The following C9orf153 variants were observed in gnomAD, a reference collection of about 807,000 sequenced individuals.
C9orf153 encodes the protein chromosome 9 open reading frame 153.
A neutral mutation model predicts 9.0 loss-of-function variants in C9orf153; 10 were observed. The ratio of observed to expected loss-of-function variants is 1.11; its 90% CI spans 0.69 to 1.89. C9orf153 has a LOEUF of 1.89. C9orf153 is among the 40% of genes most tolerant of loss of function. The pLI is 0.00. For missense variants in C9orf153, 108 were observed against 111.0 expected (o/e 0.97, Z 0.12); for synonymous variants, 35 against 37.3 (o/e 0.94, Z 0.23).
chr9:86,224,192 G>A (rs1652718191), intron 3 of C9orf153, among the ~76,000 whole-genome samples: 1 of 152,080 alleles, frequency 6.6e-6, no homozygotes, highest in Non-Finnish European at 1.5e-5. Context: ...TTCAAGACCA[G>A]CCTGGGCAAT....
rs144870916 is a variant in C9orf153, at chr9:86,226,008, C to T, written c.242+1847G>A. On this transcript the variant is annotated intron_variant, in intron 3 of 3. Transcript: ENST00000339137. ...AAATGTTCAAGACCTTATCAAACAT[C>T]CAAAACCCTTCTTCAGTAGGTTTTT... 9.2e-5 allele frequency among the ~76,000 whole-genome samples: 14 copies of T among 152,276 alleles called. No homozygotes were observed. In the East Asian group the frequency reaches 2.5e-3, roughly 27 times the overall value.
At position 86,228,034 on chromosome 9, in the gene C9orf153, T is replaced by G; in HGVS notation, c.67-4A>C. The stretch of plus-strand genomic sequence containing the variant: ...TACATGCATATAATTCTGGAAGCTG[T>G]GGACAAAAAAAAAAGTGGTAAGTCA... On this transcript the variant is annotated splice_polypyrimidine_tract_variant and splice_region_variant and intron_variant, in intron 2 of 3. Coordinates refer to ENST00000339137, the MANE Select transcript of C9orf153 (RefSeq NM_001276366.4). 6.4e-7 allele frequency: 1 copy of G among 1,571,166 alleles called. No homozygotes were observed. The highest frequency in any genetic ancestry group is 8.6e-7 in the Non-Finnish European group (1 of 1,160,878).
chr9:86,226,322 C>CT (rs532189414), intron 3 of C9orf153, among the ~76,000 whole-genome samples: 12 of 150,042 alleles, frequency 8.0e-5, no homozygotes, highest in South Asian at 2.1e-4. Flanking sequence ...TCTCCCATTA[C>CT]TTTTTTTTTT....
intron 1 of C9orf153, among the ~76,000 whole-genome samples, chr9:86,254,053 T>C (rs892456876): frequency 6.9e-6 from 1 of 144,524 alleles, no homozygotes; most frequent in Non-Finnish European, 1.5e-5. Context: ...ATTGCGCCAT[T>C]GCACTCCAGC....
chr9:86,232,534 A>G (rs1243489700), intron 1 of C9orf153, among the ~76,000 whole-genome samples: 1 of 151,526 alleles, frequency 6.6e-6, no homozygotes, highest in Non-Finnish European at 1.5e-5. Context: ...CCTACAGTAA[A>G]TTTTCCTTGT....
At position 86,221,697 on chromosome 9, in the gene C9orf153, C is replaced by T. The variant is rs1284966719; in HGVS notation, c.279G>A (p.Glu93=). The T allele has an allele frequency of 1.9e-6, 3 of 1,549,768 alleles. No homozygotes were observed. Among genetic ancestry groups the T allele is most frequent in the Non-Finnish European group, 2.6e-6 (3 of 1,146,476 alleles). The change falls in exon 4 of 4, where the codon GAG becomes GAA. Residue 93 remains glutamate (E), a synonymous_variant. Coordinates refer to ENST00000339137, the MANE Select transcript of C9orf153 (RefSeq NM_001276366.4). The stretch of plus-strand genomic sequence containing the variant: ...CCACTTCGCAAGCCCCTTAAAATAT[C>T]TCCATTCCAGATCCCTTAGATTCAT... ...TIHESKGSGM[E]IF is the part of the protein sequence containing the mutation.
intron 1 of C9orf153, among the ~76,000 whole-genome samples, chr9:86,238,844 T>A (rs1824662314): frequency 6.6e-6 from 1 of 151,516 alleles, no homozygotes; most frequent in South Asian, 2.1e-4. Context: ...TTGAACAAAT[T>A]TAGAGAAATT....
intron 1 of C9orf153, among the ~76,000 whole-genome samples, chr9:86,244,987 C>T (rs973629057): frequency 2.6e-4 from 40 of 152,176 alleles, no homozygotes; most frequent in Admixed American, 2.6e-3. Context: ...AGTGCAATGG[C>T]ACAATCTCAG....
chr9:86,233,856 G>T (rs1322640307), intron 1 of C9orf153, among the ~76,000 whole-genome samples: 1 of 152,144 alleles, frequency 6.6e-6, no homozygotes, highest in Non-Finnish European at 1.5e-5. Flanking sequence ...GGGCTGAGGC[G>T]GGTGAATTAC....
chr9:86,233,606 G>A (rs1345996215), intron 1 of C9orf153, among the ~76,000 whole-genome samples: 3 of 151,646 alleles, frequency 2.0e-5, no homozygotes, highest in South Asian at 2.1e-4. Context: ...TGGTAGAGTC[G>A]GGATTCTGCC....
rs1824198150 is a variant in C9orf153, at chr9:86,221,334, A to T, written c.*354T>A. On this transcript the variant is annotated 3_prime_UTR_variant, in exon 4 of 4. Coordinates refer to ENST00000339137, the MANE Select transcript of C9orf153 (RefSeq NM_001276366.4). ...TTCTCACGTTAGCAGATTAAATCGGACCTTTTGCTCTGTATTAACGGCTTA... is the reference window on the plus strand; with the variant it reads ...TTCTCACGTTAGCAGATTAAATCGGTCCTTTTGCTCTGTATTAACGGCTTA... 5.1e-6 allele frequency: 1 copy of T among 197,620 alleles called. No individual in the cohort carries two copies. Among genetic ancestry groups the T allele is most frequent in the Admixed American group, 6.1e-5 (1 of 16,388 alleles). The allele number at this position is 197,620 out of a possible 1,614,324, so 12.2% of individuals were successfully genotyped here. A position where few individuals can be genotyped will look rare whatever the true frequency, so the allele number is the denominator to read the frequency against.
chr9:86,235,848 C>G (rs1388137192), intron 1 of C9orf153, among the ~76,000 whole-genome samples: 1 of 142,866 alleles, frequency 7.0e-6, no homozygotes, highest in African/African-American at 2.6e-5. Context: ...AAAGGTATAA[C>G]ATATGCATAA....
chr9:86,234,509 C>T (rs529283857), intron 1 of C9orf153, among the ~76,000 whole-genome samples: 2 of 152,276 alleles, frequency 1.3e-5, no homozygotes, highest in East Asian at 1.9e-4. Flanking sequence ...TAAATATCCA[C>T]ACATAGAAGA....
chr9:86,239,487 A>G (rs550476360), intron 1 of C9orf153, among the ~76,000 whole-genome samples: 1 of 152,290 alleles, frequency 6.6e-6, no homozygotes, highest in South Asian at 2.1e-4. Flanking sequence ...ACATCATAGG[A>G]GATTGCTTAT....
intron 1 of C9orf153, among the ~76,000 whole-genome samples, chr9:86,241,229 G>A (rs772201864): frequency 2.3e-4 from 35 of 152,082 alleles, no homozygotes; most frequent in Admixed American, 5.2e-4. Flanking sequence ...AACGTGTTCC[G>A]ATTTCCACTT....
At chr9:86,231,868 T>A (rs993830487) in intron 1 of C9orf153, among the ~76,000 whole-genome samples, 15 of 152,198 alleles carry the variant, frequency 9.9e-5, no homozygotes, top group Admixed American at 6.5e-5. Context: ...AACCTGTCAA[T>A]GTCTTCCAGT....
At chr9:86,252,222 ATGGGG>A (rs2131206403) in intron 1 of C9orf153, among the ~76,000 whole-genome samples, 1 of 152,074 alleles carries the variant, frequency 6.6e-6, no homozygotes, top group South Asian at 2.1e-4. Flanking sequence ...TTTGGTAGAG[ATGGGG>A]TTTCACCACG....
rs555024399 is a variant in C9orf153 at position 86,227,655 on chromosome 9, C to T, written c.242+200G>A. ...ATTTTGGGGCTTGGAACCTTCTGTA[C>T]GGTAACTTGGGCCAAGGCATTCGAG... is the stretch of plus-strand genomic sequence containing the variant. On this transcript the variant is annotated intron_variant, in intron 3 of 3. Transcript: ENST00000339137. 30 of 985,268 alleles carry T rather than the reference C, an allele frequency of 3.0e-5. No individual in the cohort carries two copies. In the East Asian group the frequency reaches 1.0e-3, roughly 34 times the overall value. The allele number at this position is 985,268 out of a possible 1,614,324, so 61.0% of individuals were successfully genotyped here.
In C9orf153 at chr9:86,220,769, C is replaced by T. The variant is rs1161764744; in HGVS notation, c.*919G>A. The T allele has an allele frequency of 1.3e-5, 2 of 152,112 alleles. No homozygotes were observed. Among genetic ancestry groups the T allele is most frequent in the Admixed American group, 6.6e-5 (1 of 15,250 alleles). The allele number at this position is 152,112 out of a possible 1,614,324, so 9.4% of individuals were successfully genotyped here. A position where few individuals can be genotyped will look rare whatever the true frequency, so the allele number is the denominator to read the frequency against. ...AGATTTTTCTGTCATTTTATTTTCA[C>T]ATATCACTTAATTTCCATTCTCCTA... On this transcript the variant is annotated 3_prime_UTR_variant, in exon 4 of 4. Coordinates refer to ENST00000339137, the MANE Select transcript of C9orf153 (RefSeq NM_001276366.4).
Sources: allele counts gnomAD v4.1 joint callset (sites outside exome capture counted in the v4.1 genomes callset), GRCh38; gene constraint gnomAD v4.1.1; transcripts MANE v1.5; gene names NCBI Gene and HGNC (gene_info 2026-07-23, HGNC 2026-07-21).